The following ZFR variants were observed in gnomAD, a reference collection of about 807,000 sequenced individuals.
The protein encoded by ZFR is zinc finger RNA-binding protein.
In ZFR, 19 loss-of-function variants were observed where a neutral mutation model predicts 130.7. The observed-to-expected ratio is 0.15, with a 90% CI of 0.10 to 0.21. The LOEUF is 0.21. ZFR is among the 10% of genes least tolerant of loss of function. The pLI is 1.00. For missense variants in ZFR, 872 were observed against 1,321.5 expected, an observed-to-expected ratio of 0.66 and a Z score of 5.27; for synonymous variants, 466 against 456.9, an observed-to-expected ratio of 1.02 and a Z score of -0.25.
chr5:32,358,588 C>T (rs1308127169), intron 19 of ZFR, among the ~76,000 whole-genome samples: 2 of 151,868 alleles, frequency 1.3e-5, no homozygotes, highest in East Asian at 1.9e-4. Context: ...ACCCCGGAGG[C>T]GGCTGCACTC....
At chr5:32,395,345 A>C in intron 10 of ZFR, 41 bp from the exon 11 acceptor site, 9 of 1,412,014 alleles carry the variant, frequency 6.4e-6, no homozygotes, top group African/African-American at 1.5e-5. Flanking sequence ...AGCAGCCCCA[A>C]AACAATCTAC....
chr5:32,392,018 G>A lies in ZFR; in HGVS notation c.1980-1581C>T, dbSNP rs547725324. ...AAAGTGCTGGGATTACAGGCAGTGTGTCACCGTGCCCAGCCAGCAGTGCTT... is the reference window on the plus strand; with the variant it reads ...AAAGTGCTGGGATTACAGGCAGTGTATCACCGTGCCCAGCCAGCAGTGCTT... On this transcript the variant is annotated intron_variant, in intron 11 of 19. Coordinates refer to ENST00000265069, the MANE Select transcript of ZFR (RefSeq NM_016107.5). Among the ~76,000 whole-genome samples the A allele has an allele frequency of 1.1e-4, 17 of 152,292 alleles. No individual in the cohort carries two copies. In the South Asian group the frequency reaches 2.7e-3, roughly 24 times the overall value.
chr5:32,402,181 G>C (rs773221384), intron 8 of ZFR, among the ~76,000 whole-genome samples: 25 of 152,202 alleles, frequency 1.6e-4, no homozygotes, highest in Non-Finnish European at 3.5e-4. Context: ...ACGAGGGCCA[G>C]GGTTATAATC....
At chr5:32,414,645 AT>A (rs1342158008) in intron 5 of ZFR, among the ~76,000 whole-genome samples, 1 of 152,194 alleles carries the variant, frequency 6.6e-6, no homozygotes, top group Non-Finnish European at 1.5e-5. Flanking sequence ...TGAGTTTTCA[AT>A]TTCATTTGGA....
chr5:32,373,679 CAAAA>C (rs953450161), intron 17 of ZFR, among the ~76,000 whole-genome samples: 3 of 151,214 alleles, frequency 2.0e-5, no homozygotes, highest in Non-Finnish European at 4.4e-5. Flanking sequence ...TTTGAAGAGA[CAAAA>C]AAGCAATAAA....
chr5:32,438,724 A>T (rs1754396722), intron 2 of ZFR, among the ~76,000 whole-genome samples: 1 of 147,806 alleles, frequency 6.8e-6, no homozygotes, highest in African/African-American at 2.6e-5. Flanking sequence ...CTGTGAGATT[A>T]TGAAACTCTC....
At chr5:32,375,886 C>G (rs193116839) in intron 17 of ZFR, among the ~76,000 whole-genome samples, 1,696 of 151,834 alleles carry the variant, frequency 0.011, 22 homozygotes, top group Non-Finnish European at 0.018. Context: ...CTATGTCGCC[C>G]AGGCTGGAGT....
chr5:32,408,306 G>T (rs1753621098), intron 5 of ZFR, among the ~76,000 whole-genome samples: 4 of 109,804 alleles, frequency 3.6e-5, no homozygotes, highest in East Asian at 2.8e-4. Context: ...TATTGTGAAC[G>T]TTTGATTAAA....
At chr5:32,369,960 G>A in intron 17 of ZFR, among the ~76,000 whole-genome samples, 1 of 151,982 alleles carries the variant, frequency 6.6e-6, no homozygotes, top group South Asian at 2.1e-4. Flanking sequence ...ATAGAGACAT[G>A]CACTCTGTCT....
rs563902966 is a variant in ZFR at position 32,364,008 on chromosome 5, G to A, written c.2985C>T (p.Pro995=). The change falls in exon 19 of 20, where the codon CCC becomes CCT. Residue 995 remains proline, a synonymous_variant. Coordinates refer to ENST00000265069, the MANE Select transcript of ZFR (RefSeq NM_016107.5). ...CAGTCATTGTTGCCAAGGTATCAAA[G>A]GGATCCTTTTCACAAGGATCCAGAA... is the stretch of plus-strand genomic sequence containing the variant. ...PGLLDPCEKD[P]FDTLATMTDQ... is the part of the protein sequence containing the mutation. 17 of 1,614,054 alleles carry A rather than the reference G, an allele frequency of 1.1e-5. 1 individual carries two copies. The South Asian group carries it at 1.8e-4, about 17-fold the overall frequency.
At chr5:32,415,337 C>A (rs1317808416) in intron 4 of ZFR, 150 bp from the exon 5 acceptor site, 1 of 620,024 alleles carries the variant, frequency 1.6e-6, no homozygotes, top group East Asian at 2.8e-5. Context: ...AGGCATAAAA[C>A]TCTTATTACC....
rs554807842 is a variant in ZFR at position 32,406,770 on chromosome 5, G to A, written c.1032+4C>T. ...ACTCAAGGTAAAACATACAACGTAA[G>A]TACCTGTGGTCCAGCACAGCTGATC... On this transcript the variant is annotated splice_donor_region_variant and intron_variant, in intron 6 of 19. Transcript: ENST00000265069. 4 of 1,607,330 alleles carry A rather than the reference G, an allele frequency of 2.5e-6. No individual in the cohort carries two copies. In the African/African-American group the frequency reaches 4.0e-5, roughly 16 times the overall value.
intron 5 of ZFR, among the ~76,000 whole-genome samples, chr5:32,408,333 A>AC (rs796539561): frequency 0.41 from 57,270 of 139,894 alleles, 11,654 homozygotes; most frequent in East Asian, 0.53. Flanking sequence ...AAAAAAAAAA[A>AC]AAAACTAGAA....
intron 19 of ZFR, among the ~76,000 whole-genome samples, chr5:32,359,462 G>A (rs887356594): frequency 2.0e-5 from 3 of 152,092 alleles, no homozygotes; most frequent in Non-Finnish European, 4.4e-5. Flanking sequence ...TATTTAATGG[G>A]TTGTTTACTT....
intron 19 of ZFR, among the ~76,000 whole-genome samples, chr5:32,361,316 T>C (rs535584683): frequency 5.1e-4 from 78 of 152,368 alleles, no homozygotes; most frequent in Non-Finnish European, 9.0e-4. Flanking sequence ...CAAAGTCATC[T>C]GTAGTCAGGA....
intron 2 of ZFR, among the ~76,000 whole-genome samples, chr5:32,440,045 A>G (rs948159134): frequency 3.3e-5 from 5 of 152,192 alleles, no homozygotes; most frequent in Admixed American, 6.5e-5. Context: ...ACTGAGAATT[A>G]CCTTTCCTCA....
At chr5:32,371,762 A>T (rs1581682177) in intron 17 of ZFR, among the ~76,000 whole-genome samples, 1 of 152,122 alleles carries the variant, frequency 6.6e-6, no homozygotes. Context: ...GAAAAATGGT[A>T]ATCATTCACA....
At position 32,406,885 on chromosome 5, in the gene ZFR, G is replaced by A; in HGVS notation, c.921C>T (p.Thr307=). ...AAATAAWTGT[T]FTKKAPFQNK... ...TTTGGAATGGTGCTTTTTTAGTAAA[G>A]GTGGTCCCTGTCCAGGCAGCTGTTG... Residue 307 remains threonine (T), a synonymous_variant, in exon 6 of 20, where the codon ACC becomes ACT. Transcript: ENST00000265069. 1.2e-6 allele frequency: 2 copies of A among 1,613,964 alleles called. No homozygotes were observed. Among genetic ancestry groups the A allele is most frequent in the South Asian group, 2.2e-5 (2 of 91,074 alleles).
At chr5:32,367,044 C>T (rs1049792393) in intron 17 of ZFR, among the ~76,000 whole-genome samples, 2 of 151,996 alleles carry the variant, frequency 1.3e-5, no homozygotes, top group African/African-American at 4.8e-5. Context: ...AAGTGAATGC[C>T]ACTGCACTCC....
Sources: gnomAD v4.1 joint callset for allele counts (sites outside exome capture counted in the v4.1 genomes callset) on GRCh38, gnomAD v4.1.1 for gene constraint, MANE v1.5 for transcripts, NCBI Gene and HGNC (gene_info 2026-07-23, HGNC 2026-07-21) for gene names.